The following RBM26 variants were observed in gnomAD, a reference collection of about 807,000 sequenced individuals.
The protein encoded by RBM26 is RNA binding motif protein 26, also known as RNA-binding protein 26.
In RBM26, 30 loss-of-function variants were observed where a neutral mutation model predicts 123.6. That is an observed-to-expected ratio of 0.24 (90% CI 0.18 to 0.33). The LOEUF is 0.33. Ranked by LOEUF, RBM26 falls within the 10% of genes least tolerant of loss-of-function variation. The probability of loss-of-function intolerance (pLI) is 1.00; values close to 1 mark genes in which losing one functional copy is unlikely to be tolerated. For synonymous variants in RBM26, 400 were observed against 404.4 expected (o/e 0.99, Z 0.13); for missense variants, 947 against 1,203.6 (o/e 0.79, Z 3.15).
downstream of RBM26, among the ~76,000 whole-genome samples, chr13:79,317,265 C>G (rs775614479): frequency 1.3e-5 from 2 of 151,648 alleles, no homozygotes; most frequent in Non-Finnish European, 3.0e-5. Flanking sequence ...ATAACCAAAT[C>G]CAAGTTGTTT....
At chr13:79,389,857 T>C (rs2077794232) in intron 1 of RBM26, among the ~76,000 whole-genome samples, 1 of 152,076 alleles carries the variant, frequency 6.6e-6, no homozygotes, top group Non-Finnish European at 1.5e-5. Flanking sequence ...AAAGCACTAT[T>C]TAAACAAAGT....
At chr13:79,326,932 G>A (rs768422538) in intron 20 of RBM26, among the ~76,000 whole-genome samples, 6 of 151,474 alleles carry the variant, frequency 4.0e-5, no homozygotes, top group Non-Finnish European at 8.8e-5. Flanking sequence ...ATTAGAAGCA[G>A]TGCAATGAAA....
rs1191901603 is a variant in RBM26 at position 79,344,293 on chromosome 13, C to T, written c.2214G>A (p.Arg738=). 8 of 1,610,592 alleles carry T rather than the reference C, an allele frequency of 5.0e-6. No homozygotes were observed. The highest frequency in any genetic ancestry group is 3.3e-5 in the Admixed American group (2 of 59,980). ...TTTCTAAAATTTCTTGTTTCCTTTT[C>T]CTTACATCCTGCTGAAGTTTCAATG... ...QEALKLQQDV[R]KRKQEILEKH... Residue 738 remains arginine, a synonymous_variant, in exon 16 of 22, where the codon AGG becomes AGA. Coordinates refer to ENST00000438737, the MANE Select transcript of RBM26 (RefSeq NM_001366735.2).
chr13:79,371,526 G>T (rs1566494785), intron 4 of RBM26, among the ~76,000 whole-genome samples: 1 of 149,936 alleles, frequency 6.7e-6, no homozygotes, highest in South Asian at 2.1e-4. Context: ...GCCTGAATGA[G>T]AAAAACAATT....
At chr13:79,397,572 CTCG>C (rs1311950207) in intron 1 of RBM26, among the ~76,000 whole-genome samples, 1 of 147,704 alleles carries the variant, frequency 6.8e-6, no homozygotes, top group African/African-American at 2.5e-5. Flanking sequence ...GTCTCAGTTA[CTCG>C]GAAGACTGAG....
At chr13:79,317,556 T>C (rs544922353), downstream of RBM26, among the ~76,000 whole-genome samples, 1 of 151,830 alleles carries the variant, frequency 6.6e-6, no homozygotes, top group Non-Finnish European at 1.5e-5. Context: ...CACCTTTGGA[T>C]ATAAAAATTA....
In RBM26 at chr13:79,313,772, A is replaced by G. The variant is rs567400771; in HGVS notation, c.*1198T>C. ...CAATGTGGATCAAAACAGTTAATTT[A>G]CATTATGACTGATGTGTTTATTACA... On this transcript the variant is annotated 3_prime_UTR_variant, in exon 5 of 5. Coordinates refer to the RBM26 transcript ENST00000449987. 1.3e-5 allele frequency: 2 copies of G among 151,802 alleles called. 1 individual carries two copies. Among genetic ancestry groups the G allele is most frequent in the Admixed American group, 1.3e-4 (2 of 15,206 alleles). The allele number at this position is 151,802 out of a possible 1,614,324, so 9.4% of individuals were successfully genotyped here.
chr13:79,354,695 CCTAA>C, intron 12 of RBM26, 125 bp from the exon 13 acceptor site: 1 of 747,258 alleles, frequency 1.3e-6, no homozygotes, highest in Non-Finnish European at 1.9e-6. Flanking sequence ...ATAGTCAAAA[CCTAA>C]CTGCCTTCTA....
intron 1 of RBM26, among the ~76,000 whole-genome samples, chr13:79,389,145 T>C (rs2077726965): frequency 1.3e-5 from 2 of 152,140 alleles, no homozygotes; most frequent in Admixed American, 1.3e-4. Flanking sequence ...TAGGCTAGAA[T>C]TTACACTGAC....
At chr13:79,362,809 C>T (rs1241432428) in intron 9 of RBM26, among the ~76,000 whole-genome samples, 3 of 152,140 alleles carry the variant, frequency 2.0e-5, no homozygotes, top group African/African-American at 2.4e-5. Context: ...TCCATCTCAT[C>T]TGTATTCTCT....
chr13:79,392,944 C>T (rs1414710671), intron 1 of RBM26, among the ~76,000 whole-genome samples: 2 of 152,102 alleles, frequency 1.3e-5, no homozygotes, highest in Admixed American at 1.3e-4. Flanking sequence ...GAGAAACCAG[C>T]GAAACTTTAA....
At chr13:79,384,364 C>T (rs1034700313) in intron 1 of RBM26, among the ~76,000 whole-genome samples, 9 of 151,348 alleles carry the variant, frequency 5.9e-5, no homozygotes, top group African/African-American at 1.9e-4. Context: ...GCCAAGAGAT[C>T]CTCCCACCGC....
In RBM26 at chr13:79,372,052, G is replaced by C. The variant is rs916676469; in HGVS notation, c.328-122C>G. 2.3e-5 allele frequency: 15 copies of C among 666,482 alleles called. No individual in the cohort carries two copies. In the South Asian group the frequency reaches 2.9e-4, roughly 13 times the overall value. 41.3% of individuals were successfully genotyped at this position (666,482 alleles called of 1,614,324 possible). On this transcript the variant is annotated intron_variant, in intron 3 of 21. Transcript: ENST00000438737. ...TGCCAGCACTTTGGGAGGCTGAGGC[G>C]GGTGGTTCACGAAGTCGGAAGTTCG...
At chr13:79,334,293 A>G (rs1324802777) in intron 20 of RBM26, 51 bp downstream of exon 20, 1 of 1,016,802 alleles carries the variant, frequency 9.8e-7, no homozygotes, top group Non-Finnish European at 1.5e-6. Flanking sequence ...CTTAAAAGTA[A>G]TACTTATAAA....
intron 1 of RBM26, among the ~76,000 whole-genome samples, chr13:79,395,859 C>G (rs2078514507): frequency 6.6e-6 from 1 of 151,816 alleles, no homozygotes; most frequent in Non-Finnish European, 1.5e-5. Context: ...ATCATATAAT[C>G]TAACATACAA....
Position 79,371,159 on chromosome 13 carries a change from G to T in RBM26, c.420C>A (p.Ser140Arg). Residue 140 changes from serine (S) to arginine (R), a missense_variant, in exon 5 of 22, where the codon AGC (serine) becomes AGA (arginine). Transcript: ENST00000438737. ...GATCATCTTTTTTCCTCTCATCACGGCTTCTAAAGAAATATGTGATCACTT... is the reference window on the plus strand; with the variant it reads ...GATCATCTTTTTTCCTCTCATCACGTCTTCTAAAGAAATATGTGATCACTT... ...QSSSRYRENR[S>R]RDERKKDDRS... 1 of 1,612,050 alleles carries T rather than the reference G, an allele frequency of 6.2e-7. No homozygotes were observed. The highest frequency in any genetic ancestry group is 8.5e-7 in the Non-Finnish European group (1 of 1,178,866).
chr13:79,319,385 T>C lies in RBM26; in HGVS notation c.*1236A>G, dbSNP rs1257304134. ...CCCCATTCTACAAAGAATGCATTTA[T>C]TTCCTGGAAACTGCCATATCAACTT... is the stretch of plus-strand genomic sequence containing the variant. On this transcript the variant is annotated 3_prime_UTR_variant, in exon 22 of 22. Coordinates refer to ENST00000438737, the MANE Select transcript of RBM26 (RefSeq NM_001366735.2). The C allele has an allele frequency of 4.1e-6, 4 of 984,484 alleles. No homozygotes were observed. The highest frequency in any genetic ancestry group is 1.7e-5 in the African/African-American group (1 of 57,178). 61.0% of individuals were successfully genotyped at this position (984,484 alleles called of 1,614,324 possible). A position where few individuals can be genotyped will look rare whatever the true frequency, so the allele number is the denominator to read the frequency against.
At chr13:79,350,734 T>C (rs1367180780) in intron 14 of RBM26, among the ~76,000 whole-genome samples, 1 of 152,150 alleles carries the variant, frequency 6.6e-6, no homozygotes, top group Non-Finnish European at 1.5e-5. Context: ...TGCCTTCATT[T>C]TTTTTAAAAA....
chr13:79,337,772 T>C (rs985525866), intron 18 of RBM26, among the ~76,000 whole-genome samples: 2 of 150,622 alleles, frequency 1.3e-5, no homozygotes, highest in Non-Finnish European at 1.5e-5. Context: ...AACATCATTA[T>C]AGAACTGATG....
Sources: gnomAD v4.1 joint callset for allele counts (sites outside exome capture counted in the v4.1 genomes callset) on GRCh38, gnomAD v4.1.1 for gene constraint, MANE v1.5 for transcripts, NCBI Gene and HGNC (gene_info 2026-07-23, HGNC 2026-07-21) for gene names.